LRRC1: variants seen among roughly 807,000 people sequenced by gnomAD.
LRRC1 encodes the protein leucine rich repeat containing 1.
In LRRC1, 28 loss-of-function variants were observed where a neutral mutation model predicts 69.9. That is an observed-to-expected ratio of 0.40 (90% confidence interval 0.30 to 0.55). The LOEUF (loss-of-function observed/expected upper bound fraction) is 0.55, where lower values mean the gene tolerates loss of function less well. LRRC1 is among the 20% of genes least tolerant of loss of function. The pLI, the probability that LRRC1 is intolerant of heterozygous loss-of-function variation, is 0.47. For missense variants in LRRC1, 498 were observed against 609.0 expected, an observed-to-expected ratio of 0.82 and a Z score of 1.92; for synonymous variants, 236 against 240.2, an observed-to-expected ratio of 0.98 and a Z score of 0.16.
intron 1 of LRRC1, among the ~76,000 whole-genome samples, chr6:53,828,139 TGGAG>T: frequency 7.0e-6 from 1 of 143,264 alleles, no homozygotes; most frequent in Non-Finnish European, 1.5e-5. Flanking sequence ...TAGAACCCAT[TGGAG>T]AGTTGGAGGC....
chr6:53,911,339 T>G (rs1217403597), intron 10 of LRRC1, among the ~76,000 whole-genome samples: 1 of 152,190 alleles, frequency 6.6e-6, no homozygotes, highest in African/African-American at 2.4e-5. Context: ...TTTGACTACA[T>G]AATATATGCA....
At chr6:53,846,010 CTT>C (rs1765932146) in intron 2 of LRRC1, among the ~76,000 whole-genome samples, 1 of 152,238 alleles carries the variant, frequency 6.6e-6, no homozygotes, top group Non-Finnish European at 1.5e-5. Flanking sequence ...CTGGAGCTGA[CTT>C]TAGCTCACGT....
At chr6:53,797,991 C>G (rs1764351629) in intron 1 of LRRC1, among the ~76,000 whole-genome samples, 1 of 152,206 alleles carries the variant, frequency 6.6e-6, no homozygotes, top group South Asian at 2.1e-4. Context: ...GTCATTATAA[C>G]TTAGCCTTAG....
chr6:53,795,363 G>C lies in LRRC1; in HGVS notation c.107G>C (p.Arg36Pro). The C allele has an allele frequency of 6.2e-7, 1 of 1,613,684 alleles. No individual in the cohort carries two copies. Among genetic ancestry groups the C allele is most frequent in the South Asian group, 1.1e-5 (1 of 91,066 alleles). ...CCCGAGGAGATCTACCGCTATGCCC[G>C]GAGCCTGGAGGAGCTGCTGCTGGAC... ...YVPEEIYRYA[R>P]SLEELLLDAN... Residue 36 changes from arginine (R) to proline (P), a missense_variant, in exon 1 of 14, where the codon CGG becomes CCG. Coordinates refer to ENST00000370888, the MANE Select transcript of LRRC1 (RefSeq NM_018214.5).
At chr6:53,893,714 G>C (rs1437892624) in intron 4 of LRRC1, among the ~76,000 whole-genome samples, 1 of 152,062 alleles carries the variant, frequency 6.6e-6, no homozygotes, top group East Asian at 1.9e-4. Flanking sequence ...TTTTACTTTT[G>C]AAATATTATA....
At chr6:53,887,516 G>T (rs1438568971) in intron 4 of LRRC1, among the ~76,000 whole-genome samples, 2 of 151,940 alleles carry the variant, frequency 1.3e-5, no homozygotes, top group African/African-American at 2.4e-5. Context: ...ACTGTCTCAT[G>T]ACACCCTTCC....
At chr6:53,881,510 A>G (rs1477370028) in intron 3 of LRRC1, among the ~76,000 whole-genome samples, 2 of 152,238 alleles carry the variant, frequency 1.3e-5, no homozygotes, top group African/African-American at 4.8e-5. Flanking sequence ...CTTTTGAATT[A>G]TAAGTAAAAA....
At chr6:53,908,754 A>G (rs969397574) in intron 10 of LRRC1, among the ~76,000 whole-genome samples, 5 of 152,154 alleles carry the variant, frequency 3.3e-5, no homozygotes, top group East Asian at 1.9e-4. Flanking sequence ...TCTTTACTCT[A>G]TTAGAAGTTC....
At chr6:53,879,824 T>C (rs915813698) in intron 3 of LRRC1, among the ~76,000 whole-genome samples, 8 of 152,176 alleles carry the variant, frequency 5.3e-5, no homozygotes, top group Non-Finnish European at 8.8e-5. Context: ...TGTGAGCTGT[T>C]CCTTATGGCT....
At chr6:53,827,395 C>T (rs895977536) in intron 1 of LRRC1, among the ~76,000 whole-genome samples, 2 of 150,636 alleles carry the variant, frequency 1.3e-5, no homozygotes, top group Non-Finnish European at 2.9e-5. Flanking sequence ...AGAACTGTGG[C>T]GGGTATTCTG....
intron 2 of LRRC1, 110 bp downstream of exon 2, chr6:53,842,337 T>A: frequency 2.9e-6 from 2 of 698,456 alleles, no homozygotes; most frequent in Non-Finnish European, 2.5e-6. Flanking sequence ...TTTGTCCTTG[T>A]GATAGTTCGC....
intron 13 of LRRC1, among the ~76,000 whole-genome samples, chr6:53,921,413 C>T (rs770917752): frequency 2.0e-5 from 3 of 152,186 alleles, no homozygotes; most frequent in African/African-American, 7.2e-5. Flanking sequence ...CATGTTGACT[C>T]CATTCACTTG....
At chr6:53,908,309 A>G (rs935787479) in intron 10 of LRRC1, among the ~76,000 whole-genome samples, 2 of 152,228 alleles carry the variant, frequency 1.3e-5, no homozygotes, top group African/African-American at 4.8e-5. Context: ...ACCCAGTCAG[A>G]TGAGGCAACA....
chr6:53,888,459 A>G (rs1767566059), intron 4 of LRRC1, among the ~76,000 whole-genome samples: 1 of 152,198 alleles, frequency 6.6e-6, no homozygotes, highest in South Asian at 2.1e-4. Flanking sequence ...AGAAGACTCA[A>G]TAAGTGGTAA....
chr6:53,859,979 T>C (rs1168541343), intron 2 of LRRC1, among the ~76,000 whole-genome samples: 1 of 152,120 alleles, frequency 6.6e-6, no homozygotes, highest in Non-Finnish European at 1.5e-5. Context: ...TGGTGACTGG[T>C]TACTTCCACC....
chr6:53,856,355 A>G (rs1766308537), intron 2 of LRRC1, among the ~76,000 whole-genome samples: 1 of 152,170 alleles, frequency 6.6e-6, no homozygotes, highest in Non-Finnish European at 1.5e-5. Flanking sequence ...GACCAAGTCC[A>G]TCCGTGATGA....
At chr6:53,879,687 G>A (rs1388683938) in intron 3 of LRRC1, among the ~76,000 whole-genome samples, 1 of 151,778 alleles carries the variant, frequency 6.6e-6, no homozygotes, top group Non-Finnish European at 1.5e-5. Context: ...CTTAGCAATA[G>A]CTGTGAGGAT....
At chr6:53,853,584 G>A (rs985078444) in intron 2 of LRRC1, among the ~76,000 whole-genome samples, 3 of 152,080 alleles carry the variant, frequency 2.0e-5, no homozygotes, top group African/African-American at 4.8e-5. Context: ...TGCACCCAGC[G>A]TGTAAATCTT....
chr6:53,903,814 T>C (rs1337250734), intron 9 of LRRC1, among the ~76,000 whole-genome samples: 2 of 152,276 alleles, frequency 1.3e-5, no homozygotes, highest in African/African-American at 4.8e-5. Flanking sequence ...ATAACAACTG[T>C]AAAAATAATA....
Sources: gnomAD v4.1 joint callset for allele counts (sites outside exome capture counted in the v4.1 genomes callset) on GRCh38, gnomAD v4.1.1 for gene constraint, MANE v1.5 for transcripts, NCBI Gene and HGNC (gene_info 2026-07-23, HGNC 2026-07-21) for gene names.